LNX1: variants seen among roughly 807,000 people sequenced by gnomAD.
LNX1 encodes ligand of numb-protein X 1.
LNX1 carries 54 observed loss-of-function variants against 68.4 expected under a neutral mutation model. The observed-to-expected ratio is 0.79, with a 90% CI of 0.63 to 0.99. The LOEUF (loss-of-function observed/expected upper bound fraction) is 0.99. Among genes scored for constraint, LNX1 ranks in the 50% least tolerant of loss-of-function variants. The pLI, the probability that LNX1 is intolerant of heterozygous loss-of-function variation, is 0.00. For missense variants in LNX1, 906 were observed against 926.4 expected, an observed-to-expected ratio of 0.98 and a Z score of 0.29; for synonymous variants, 336 against 350.0, an observed-to-expected ratio of 0.96 and a Z score of 0.45.
chr4:53,586,158 T>C (rs1426539080), intron 1 of LNX1, among the ~76,000 whole-genome samples: 1 of 151,344 alleles, frequency 6.6e-6, no homozygotes, highest in Admixed American at 6.6e-5. Flanking sequence ...AGGCCACAGA[T>C]AGAATGGCTG....
At chr4:53,639,683 T>C (rs2668524) in intron 1 of LNX1, among the ~76,000 whole-genome samples, 115,396 of 152,014 alleles carry the variant, frequency 0.76, 44,149 homozygotes, top group East Asian at 0.91. Flanking sequence ...ACTTACCAGC[T>C]GTTCATATCT....
At chr4:53,566,660 C>T (rs1008490992) in intron 2 of LNX1, among the ~76,000 whole-genome samples, 10 of 151,948 alleles carry the variant, frequency 6.6e-5, no homozygotes, top group Admixed American at 5.9e-4. Context: ...ATTAACTTTA[C>T]ATGTAAATGG....
At chr4:53,552,894 C>G (rs1431067008) in intron 2 of LNX1, among the ~76,000 whole-genome samples, 2 of 151,260 alleles carry the variant, frequency 1.3e-5, no homozygotes, top group Admixed American at 1.3e-4. Flanking sequence ...AGATGACTGA[C>G]CAGCACAATG....
chr4:53,583,932 AAACAACAAC>A (rs57272023), intron 1 of LNX1, among the ~76,000 whole-genome samples: 3,386 of 149,740 alleles, frequency 0.023, 113 homozygotes, highest in African/African-American at 0.072. Flanking sequence ...GACCCCCTGC[AAACAACAAC>A]AACAACAACA....
chr4:53,516,800 A>G (rs1726821421), intron 2 of LNX1, among the ~76,000 whole-genome samples: 1 of 152,168 alleles, frequency 6.6e-6, no homozygotes, highest in Non-Finnish European at 1.5e-5. Flanking sequence ...CAGTAATCCT[A>G]AACCATGCCC....
At chr4:53,583,472 T>C (rs1731958651) in intron 1 of LNX1, among the ~76,000 whole-genome samples, 1 of 151,888 alleles carries the variant, frequency 6.6e-6, no homozygotes, top group Non-Finnish European at 1.5e-5. Flanking sequence ...ATCAATGATC[T>C]CGAAGAGGGA....
At chr4:53,475,796 G>T (rs1000184765) in intron 9 of LNX1, among the ~76,000 whole-genome samples, 114 of 152,296 alleles carry the variant, frequency 7.5e-4, no homozygotes, top group African/African-American at 2.7e-3. Flanking sequence ...GTAATTAAGT[G>T]AGACAAGTAA....
At chr4:53,537,882 GA>G (rs1273014533) in intron 2 of LNX1, among the ~76,000 whole-genome samples, 1 of 152,222 alleles carries the variant, frequency 6.6e-6, no homozygotes, top group Non-Finnish European at 1.5e-5. Flanking sequence ...TTCCTTTCAG[GA>G]AACGGTGTGG....
Position 53,461,061 on chromosome 4 carries a change from C to G in LNX1, c.2052-19G>C, listed in dbSNP as rs1721990400. ...ACCACATCTAAAAAAAAAAACAAAA[C>G]AAGATATGATTAGTATTTTAATTCG... On this transcript the variant is annotated intron_variant, in intron 10 of 10. Transcript: ENST00000263925. The G allele has an allele frequency of 2.0e-6, 3 of 1,532,188 alleles. No homozygotes were observed. The highest frequency in any genetic ancestry group is 2.6e-6 in the Non-Finnish European group (3 of 1,141,930). The allele number at this position is 1,532,188 out of a possible 1,614,324, so 94.9% of individuals were successfully genotyped here.
chr4:53,491,911 C>T (rs1440004883), intron 6 of LNX1, among the ~76,000 whole-genome samples: 1 of 151,474 alleles, frequency 6.6e-6, no homozygotes, highest in Non-Finnish European at 1.5e-5. Context: ...GATTCTTCTG[C>T]CAAGTAGCTG....
At chr4:53,553,182 T>A (rs1401936041) in intron 2 of LNX1, among the ~76,000 whole-genome samples, 2 of 152,132 alleles carry the variant, frequency 1.3e-5, no homozygotes, top group African/African-American at 4.8e-5. Context: ...CTGATGCATA[T>A]AGCACTGAGT....
intron 2 of LNX1, among the ~76,000 whole-genome samples, chr4:53,566,855 T>C (rs1730730505): frequency 1.3e-5 from 2 of 151,394 alleles, no homozygotes; most frequent in East Asian, 1.9e-4. Flanking sequence ...AATCCTAGTC[T>C]CTGATAAAAC....
At chr4:53,623,349 A>G (rs918979506) in intron 1 of LNX1, among the ~76,000 whole-genome samples, 3 of 151,910 alleles carry the variant, frequency 2.0e-5, no homozygotes, top group African/African-American at 7.3e-5. Context: ...GACCCACCTC[A>G]GCTTCCCAAG....
chr4:53,524,184 T>A (rs1355545606), intron 2 of LNX1: 1 of 152,208 alleles, frequency 6.6e-6, no homozygotes, highest in Non-Finnish European at 1.5e-5. Context: ...TTTTCTCTTC[T>A]AAAATTATAG....
At chr4:53,605,519 CTT>C (rs1271105825) in intron 2 of LNX1, among the ~76,000 whole-genome samples, 1 of 152,164 alleles carries the variant, frequency 6.6e-6, no homozygotes, top group Non-Finnish European at 1.5e-5. Flanking sequence ...GCATGCTGTA[CTT>C]TAGATCTCTA....
chr4:53,579,269 C>T (rs556801388), intron 1 of LNX1: 352 of 984,584 alleles, frequency 3.6e-4, no homozygotes, highest in Non-Finnish European at 4.1e-4. Flanking sequence ...ATGATGGGTA[C>T]GGTGGAAATC....
upstream of LNX1, among the ~76,000 whole-genome samples, chr4:53,593,255 G>A (rs968946160): frequency 1.3e-5 from 2 of 152,200 alleles, no homozygotes; most frequent in Non-Finnish European, 2.9e-5. Flanking sequence ...AGGGGAGGGA[G>A]AGCCCGCCAA....
chr4:53,460,053 ATAAAT>A lies in LNX1; in HGVS notation c.*849_*853del, dbSNP rs907956551. On this transcript the variant is annotated 3_prime_UTR_variant, in exon 11 of 11. Transcript: ENST00000263925. ...AAGGCATCTGGGTGGCCTCTATGAAATAAATTAATTAATTACCCATAGTGTAGTTT... is the reference window on the plus strand; with the variant it reads ...AAGGCATCTGGGTGGCCTCTATGAAATAATTAATTACCCATAGTGTAGTTT... The A allele has an allele frequency of 9.9e-6, 1 of 101,066 alleles. No individual in the cohort carries two copies. The highest frequency in any genetic ancestry group is 5.2e-5 in the African/African-American group (1 of 19,168). The allele number at this position is 101,066 out of a possible 1,614,324, so 6.3% of individuals were successfully genotyped here.
At chr4:53,578,730 C>T (rs1353344377) in intron 1 of LNX1, among the ~76,000 whole-genome samples, 2 of 152,104 alleles carry the variant, frequency 1.3e-5, no homozygotes, top group African/African-American at 2.4e-5. Flanking sequence ...TTTCTGAGAG[C>T]AATTTGAATT....
Sources: allele counts gnomAD v4.1 joint callset (sites outside exome capture counted in the v4.1 genomes callset), GRCh38; gene constraint gnomAD v4.1.1; transcripts MANE v1.5; gene names NCBI Gene and HGNC (gene_info 2026-07-23, HGNC 2026-07-21).